Variants in POM121C observed in about 807,000 individuals in gnomAD.
The protein encoded by POM121C is POM121 transmembrane nucleoporin C.
Under a neutral mutation model 66.4 loss-of-function variants are expected in POM121C, and 20 were observed. The ratio of observed to expected loss-of-function variants is 0.30; its 90% CI spans 0.21 to 0.44. The LOEUF is 0.44. Ranked by LOEUF, POM121C falls within the 20% of genes least tolerant of loss-of-function variation. The probability of loss-of-function intolerance (pLI) is 1.00; values close to 1 mark genes in which losing one functional copy is unlikely to be tolerated. For missense variants in POM121C, 580 were observed against 1,225.7 expected, an observed-to-expected ratio of 0.47 and a Z score of 7.87; for synonymous variants, 286 against 528.0, an observed-to-expected ratio of 0.54 and a Z score of 6.28.
intron 3 of POM121C, among the ~76,000 whole-genome samples, chr7:75,455,220 G>A (rs1791163685): frequency 6.6e-6 from 1 of 152,224 alleles, no homozygotes; most frequent in Non-Finnish European, 1.5e-5. Flanking sequence ...TGAATTACCC[G>A]CCGTGCTGGT....
intron 7 of POM121C, among the ~76,000 whole-genome samples, chr7:75,434,788 G>A (rs1289592561): frequency 5.3e-5 from 8 of 151,788 alleles, no homozygotes; most frequent in Non-Finnish European, 7.4e-5. Context: ...TCACCATGTT[G>A]GCCAGGATGG....
intron 3 of POM121C, among the ~76,000 whole-genome samples, chr7:75,443,007 G>T (rs1338055468): frequency 6.6e-6 from 1 of 152,092 alleles, no homozygotes; most frequent in Admixed American, 6.6e-5. Flanking sequence ...AAAAGGACCC[G>T]AGACCTATGC....
chr7:75,480,002 A>G (rs1180281630), intron 1 of POM121C, among the ~76,000 whole-genome samples: 70 of 150,832 alleles, frequency 4.6e-4, no homozygotes, highest in East Asian at 1.4e-3. Context: ...AGCAAAGACA[A>G]CGGACTATAA....
chr7:75,425,467 C>G, intron 9 of POM121C, 168 bp downstream of exon 9: 1 of 1,345,114 alleles, frequency 7.4e-7, no homozygotes, highest in Non-Finnish European at 1.0e-6. Context: ...GCCTTTCTCC[C>G]TCATCAGACT....
At chr7:75,465,895 C>CAAAAAAAAAAA (rs35108311) in intron 3 of POM121C, among the ~76,000 whole-genome samples, 1 of 15,238 alleles carries the variant, frequency 6.6e-5, no homozygotes, top group African/African-American at 2.9e-4. Context: ...CACCCTGTCT[C>CAAAAAAAAAAA]AAAAAAAAAA....
At chr7:75,482,783 A>G (rs1208394519) in intron 1 of POM121C, among the ~76,000 whole-genome samples, 2 of 152,154 alleles carry the variant, frequency 1.3e-5, no homozygotes, top group Non-Finnish European at 2.9e-5. Flanking sequence ...CCAAGAAAAG[A>G]GAGACTCCAT....
At chr7:75,462,207 C>T (rs1225982396) in intron 3 of POM121C, among the ~76,000 whole-genome samples, 1 of 150,336 alleles carries the variant, frequency 6.7e-6, no homozygotes, top group Non-Finnish European at 1.5e-5. Context: ...TGAGGGAGTT[C>T]TCACGAGATC....
intron 7 of POM121C, among the ~76,000 whole-genome samples, chr7:75,433,090 C>G (rs1350106073): frequency 1.3e-5 from 2 of 151,660 alleles, no homozygotes; most frequent in Non-Finnish European, 2.9e-5. Flanking sequence ...AAAAAATTAG[C>G]TGGGCGTGGT....
chr7:75,451,150 G>A (rs587695589), intron 3 of POM121C, among the ~76,000 whole-genome samples: 5 of 152,252 alleles, frequency 3.3e-5, no homozygotes, highest in East Asian at 1.9e-4. Context: ...GCTACTGACT[G>A]TCTTCACAGA....
At chr7:75,482,534 A>C (rs1240222097) in intron 1 of POM121C, among the ~76,000 whole-genome samples, 1 of 152,084 alleles carries the variant, frequency 6.6e-6, no homozygotes, top group African/African-American at 2.4e-5. Context: ...CTAAAATACA[A>C]AAAAAATTAG....
At position 75,486,184 on chromosome 7, in the gene POM121C, T is replaced by C. The variant is rs1174247935; in HGVS notation, c.-778A>G. 3 of 304,392 alleles carry C rather than the reference T, an allele frequency of 9.9e-6. No homozygotes were observed. The highest frequency in any genetic ancestry group is 1.9e-5 in the Non-Finnish European group (3 of 157,114). The allele number at this position is 304,392 out of a possible 1,614,324, so 18.9% of individuals were successfully genotyped here. A position where few individuals can be genotyped will look rare whatever the true frequency, so the allele number is the denominator to read the frequency against. ...GCACAGCTCCCGCCCGCCTAGGTGC[T>C]GGTCCGGGCGGTCAGCATCCAGCCC... On this transcript the variant is annotated 5_prime_UTR_variant, in exon 1 of 15. Coordinates refer to ENST00000615331, the MANE Select transcript of POM121C (RefSeq NM_001099415.3).
chr7:75,448,340 G>C (rs61299307), intron 3 of POM121C, among the ~76,000 whole-genome samples: 11,253 of 150,860 alleles, frequency 0.075, 1,193 homozygotes, highest in African/African-American at 0.26. Context: ...TGGAAATCTG[G>C]ATCTACACAA....
chr7:75,450,267 A>C (rs1790977672), intron 3 of POM121C, among the ~76,000 whole-genome samples: 1 of 151,760 alleles, frequency 6.6e-6, no homozygotes. Context: ...AAATCCGAGA[A>C]GGAAAGCTGG....
At chr7:75,465,196 T>C (rs1554477597) in intron 3 of POM121C, among the ~76,000 whole-genome samples, 1 of 151,812 alleles carries the variant, frequency 6.6e-6, no homozygotes, top group East Asian at 2.0e-4. Flanking sequence ...GGTTTCACCA[T>C]GTTGGCCAGA....
intron 1 of POM121C, among the ~76,000 whole-genome samples, chr7:75,478,449 A>G (rs1182384788): frequency 1.3e-5 from 2 of 151,170 alleles, no homozygotes; most frequent in Non-Finnish European, 2.9e-5. Context: ...GCAGGAAATT[A>G]CAACCCATAA....
intron 7 of POM121C, among the ~76,000 whole-genome samples, chr7:75,433,980 T>C (rs1305278178): frequency 1.3e-5 from 2 of 152,354 alleles, no homozygotes; most frequent in Admixed American, 6.5e-5. Flanking sequence ...ATCTCTTATG[T>C]AGACAATTCC....
intron 3 of POM121C, among the ~76,000 whole-genome samples, chr7:75,452,155 C>T (rs1377346119): frequency 6.6e-6 from 1 of 151,698 alleles, no homozygotes; most frequent in Non-Finnish European, 1.5e-5. Flanking sequence ...CAGAGTGAGA[C>T]TCCGCCTCAA....
Position 75,421,838 on chromosome 7 carries a change from G to A in POM121C, c.2414C>T (p.Ala805Val), listed in dbSNP as rs782419990. ...GGSTAVFSFG[A>V]ATSSGFGATT... Reference sequence around the variant, plus strand: ...GGCTCCAAAGCCGGAGCTGGTGGCTGCACCGAAGGAGAAGACAGCAGTGGA... The same window carrying A: ...GGCTCCAAAGCCGGAGCTGGTGGCTACACCGAAGGAGAAGACAGCAGTGGA... The change falls in exon 13 of 15, where the codon GCA becomes GTA. Residue 805 changes from alanine (A) to valine (V), a missense_variant. Coordinates refer to ENST00000615331, the MANE Select transcript of POM121C (RefSeq NM_001099415.3). 9.9e-6 allele frequency: 16 copies of A among 1,610,268 alleles called. No individual in the cohort carries two copies. Among genetic ancestry groups the A allele is most frequent in the South Asian group, 2.2e-5 (2 of 90,976 alleles).
At chr7:75,461,909 A>G (rs1401422265) in intron 3 of POM121C, among the ~76,000 whole-genome samples, 2 of 150,634 alleles carry the variant, frequency 1.3e-5, no homozygotes, top group African/African-American at 4.9e-5. Flanking sequence ...ATTATGTAAA[A>G]GTGAAAATAT....
Sources: allele counts gnomAD v4.1 joint callset (sites outside exome capture counted in the v4.1 genomes callset), GRCh38; gene constraint gnomAD v4.1.1; transcripts MANE v1.5; gene names NCBI Gene and HGNC (gene_info 2026-07-23, HGNC 2026-07-21).